Variants in COL6A5 observed in about 807,000 individuals in gnomAD.
COL6A5 encodes the protein collagen alpha-5(VI) chain.
Under a neutral mutation model 65.6 loss-of-function variants are expected in COL6A5, and 48 were observed. That is an observed-to-expected ratio of 0.73 (90% CI 0.58 to 0.93). COL6A5 has a LOEUF of 0.93. Among genes scored for constraint, COL6A5 ranks in the 40% least tolerant of loss-of-function variants. The pLI is 0.00. For missense variants in COL6A5, 914 were observed against 928.3 expected (o/e 0.98, Z 0.20); for synonymous variants, 291 against 322.8 (o/e 0.90, Z 1.05).
chr3:130,447,642 T>C (rs1709339782), intron 4 of COL6A5, among the ~76,000 whole-genome samples: 3 of 152,166 alleles, frequency 2.0e-5, no homozygotes, highest in Admixed American at 2.0e-4. Context: ...AAGAAGCCAA[T>C]TCAGAATTAT....
intron 24 of COL6A5, among the ~76,000 whole-genome samples, chr3:130,417,837 G>T (rs1577488756): frequency 6.6e-6 from 1 of 152,114 alleles, no homozygotes; most frequent in East Asian, 1.9e-4. Context: ...TTAAGCAAGG[G>T]GCCTGAGTTT....
In COL6A5 at chr3:130,362,358, G is replaced by A. The variant is rs142375627; in HGVS notation, c.-28-11253G>A. 2.3e-3 allele frequency among the ~76,000 whole-genome samples: 289 copies of A among 124,890 alleles called. 4 individuals carry two copies. Among genetic ancestry groups the A allele is most frequent in the African/African-American group, 8.0e-3 (254 of 31,562 alleles). The allele number at this position is 124,890 out of a possible 152,430, so 81.9% of individuals were successfully genotyped here. A position where few individuals can be genotyped will look rare whatever the true frequency, so the allele number is the denominator to read the frequency against. ...TTTTTTTTTTTTTTTGCATGTGGAT[G>A]TCTGGTTGTTTCAGCACTGTTTGTT... is the stretch of plus-strand genomic sequence containing the variant. On this transcript the variant is annotated intron_variant and NMD_transcript_variant, in intron 1 of 41. Coordinates refer to the COL6A5 transcript ENST00000312481.
intron 7 of COL6A5, among the ~76,000 whole-genome samples, chr3:130,482,366 A>G (rs997000788): frequency 5.6e-5 from 8 of 142,546 alleles, no homozygotes; most frequent in African/African-American, 2.0e-4. Flanking sequence ...GATGCATGGC[A>G]TTATTTCTGA....
chr3:130,469,252 C>A (rs752639877), exon 6 of COL6A5: 7 of 1,613,064 alleles, frequency 4.3e-6, no homozygotes, highest in Non-Finnish European at 5.9e-6. Flanking sequence ...TATCTGCTGG[C>A]GAAACCAACT....
At chr3:130,417,757 A>T (rs546584990) in intron 24 of COL6A5, among the ~76,000 whole-genome samples, 1 of 152,142 alleles carries the variant, frequency 6.6e-6, no homozygotes, top group Non-Finnish European at 1.5e-5. Context: ...GCAGCCACAC[A>T]GGTGGCCTTG....
Position 130,357,961 on chromosome 3 carries a change from G to A in COL6A5, c.-29+11980G>A, listed in dbSNP as rs189758662. 3.0e-4 allele frequency among the ~76,000 whole-genome samples: 46 copies of A among 152,110 alleles called. No homozygotes were observed. The East Asian group carries it at 8.5e-3, about 28-fold the overall frequency. ...TCCCAGCACTTTCGGAGCCTGAGGCGGGCGGATCACGAGGTCAGGTGATCG... is the reference window on the plus strand; with the variant it reads ...TCCCAGCACTTTCGGAGCCTGAGGCAGGCGGATCACGAGGTCAGGTGATCG... On this transcript the variant is annotated intron_variant and NMD_transcript_variant, in intron 1 of 41. Transcript: ENST00000312481.
intron 12 of COL6A5, 35 bp from the exon 13 acceptor site, chr3:130,403,574 G>T (rs1324667650): frequency 2.1e-6 from 3 of 1,423,694 alleles, no homozygotes; most frequent in South Asian, 1.3e-5. Context: ...TTGGGGGGGG[G>T]TGACTAAAAT....
chr3:130,395,316 T>A, exon 8 of COL6A5: 1 of 1,551,458 alleles, frequency 6.4e-7, no homozygotes, highest in East Asian at 2.4e-5. Context: ...GTCCTGGTTT[T>A]GGGCATAGGA....
At chr3:130,377,795 G>T (rs1317072084) in intron 3 of COL6A5, among the ~76,000 whole-genome samples, 1 of 152,084 alleles carries the variant, frequency 6.6e-6, no homozygotes. Context: ...TGACTTGTAT[G>T]GCATTTGGCA....
chr3:130,437,393 A>C lies in COL6A5; in HGVS notation c.488-2129A>C, dbSNP rs376711265. On this transcript the variant is annotated intron_variant, in intron 1 of 7. Transcript: ENST00000512836. ...GTCTCTATCTTTGACATCTTGATCC[A>C]AACCACCATTATCTTCTGCCTAGAC... Among the ~76,000 whole-genome samples the C allele has an allele frequency of 2.0e-4, 31 of 152,210 alleles. 1 individual carries two copies. Among genetic ancestry groups the C allele is most frequent in the African/African-American group, 7.2e-4 (30 of 41,528 alleles).
intron 7 of COL6A5, among the ~76,000 whole-genome samples, chr3:130,478,113 G>T (rs1710142728): frequency 6.6e-6 from 1 of 152,036 alleles, no homozygotes; most frequent in South Asian, 2.1e-4. Flanking sequence ...TTCCTCATCT[G>T]CAAAATGGGG....
intron 7 of COL6A5, chr3:130,476,858 A>C (rs940341733): frequency 3.0e-6 from 2 of 677,630 alleles, no homozygotes; most frequent in Non-Finnish European, 5.4e-6. Flanking sequence ...GAAATAAATG[A>C]TGTCTTTAAT....
At chr3:130,468,890 A>C (rs367822530) in exon 6 of COL6A5, 7 of 1,612,164 alleles carry the variant, frequency 4.3e-6, no homozygotes, top group Non-Finnish European at 5.9e-6. Context: ...GGCTTTCCTC[A>C]TAGATGCTTC....
At chr3:130,454,442 A>G (rs2107598829) in intron 4 of COL6A5, among the ~76,000 whole-genome samples, 1 of 152,312 alleles carries the variant, frequency 6.6e-6, no homozygotes, top group South Asian at 2.1e-4. Context: ...TGTATTATTT[A>G]TGTATTACAT....
At position 130,395,295 on chromosome 3, in the gene COL6A5, T is replaced by C. The variant is rs577368063; in HGVS notation, c.3398T>C (p.Leu1133Pro). The change falls in exon 8 of 42, where the codon CTT (leucine) becomes CCT (proline). Residue 1133 changes from leucine (L) to proline (P), a missense_variant and NMD_transcript_variant. By Grantham distance (98) the Leu-to-Pro change is moderately conservative. Coordinates refer to the COL6A5 transcript ENST00000312481. ...GATGCAGTAAAAACCCTGAAGGACC[T>C]TGGAATTTGTGTCCTGGTTTTGGGC... 1.0e-5 allele frequency: 16 copies of C among 1,551,630 alleles called. No individual in the cohort carries two copies. The East Asian group carries it at 3.9e-4, about 38-fold the overall frequency.
At chr3:130,427,225 C>T (rs1937623241), upstream of COL6A5, among the ~76,000 whole-genome samples, 1 of 151,998 alleles carries the variant, frequency 6.6e-6, no homozygotes, top group Admixed American at 6.6e-5. Context: ...GAAACAAGTA[C>T]TAGAAGCAAA....
intron 1 of COL6A5, among the ~76,000 whole-genome samples, chr3:130,353,255 T>G (rs1934787364): frequency 6.6e-6 from 1 of 152,204 alleles, no homozygotes. Context: ...GTTGGACCTG[T>G]CTTTCCTCAA....
chr3:130,391,079 A>G (rs987586966), intron 6 of COL6A5, 100 bp from the exon 7 acceptor site: 36 of 788,378 alleles, frequency 4.6e-5, no homozygotes, highest in Non-Finnish European at 6.9e-5. Flanking sequence ...TGTCTGACAC[A>G]TAGTAGGCTC....
chr3:130,386,497 T>G (rs1449637377), intron 5 of COL6A5, among the ~76,000 whole-genome samples: 1 of 152,062 alleles, frequency 6.6e-6, no homozygotes, highest in Admixed American at 6.6e-5. Context: ...AGTAAGCAAA[T>G]AAATAGCATT....
Sources: gnomAD v4.1 joint callset for allele counts (sites outside exome capture counted in the v4.1 genomes callset) on GRCh38, gnomAD v4.1.1 for gene constraint, MANE v1.5 for transcripts, NCBI Gene and HGNC (gene_info 2026-07-23, HGNC 2026-07-21) for gene names.